Variants in PHACTR2 observed in about 807,000 individuals in gnomAD.
PHACTR2 encodes the protein chromosome 6 open reading frame 56.
In PHACTR2, 30 loss-of-function variants were observed where a neutral mutation model predicts 76.0. The observed-to-expected ratio is 0.39, with a 90% CI of 0.30 to 0.54. PHACTR2 has a LOEUF of 0.54. Ranked by LOEUF, PHACTR2 falls within the 20% of genes least tolerant of loss-of-function variation. PHACTR2 has a pLI of 0.61. For synonymous variants in PHACTR2, 292 were observed against 292.5 expected (o/e 1.00, Z 0.02); for missense variants, 696 against 781.1 (o/e 0.89, Z 1.30).
In PHACTR2 at chr6:143,730,080, T is replaced by A. The variant is rs148555505; in HGVS notation, c.214+17897T>A. Among the ~76,000 whole-genome samples the A allele has an allele frequency of 9.5e-3, 1,446 of 152,324 alleles. 30 individuals are homozygous for A. Among genetic ancestry groups the A allele is most frequent in the African/African-American group, 0.031 (1,303 of 41,578 alleles). ...CTTGATTATTATAGCTTTATAAGTC[T>A]GAAAATTAGGTAGTGTGATTTTCCA... On this transcript the variant is annotated intron_variant, in intron 2 of 12. Coordinates refer to ENST00000440869, the MANE Select transcript of PHACTR2 (RefSeq NM_001100164.2). The surrounding 1 kb of genome is among the most constrained non-coding windows in gnomAD (Gnocchi z 4.8).
Position 143,654,079 on chromosome 6 carries a change from T to C in PHACTR2, c.13+45757T>C, listed in dbSNP as rs1776806642. Among the ~76,000 whole-genome samples the C allele has an allele frequency of 6.6e-6, 1 of 152,202 alleles. No homozygotes were observed. Among genetic ancestry groups the C allele is most frequent in the Admixed American group, 6.5e-5 (1 of 15,278 alleles). On this transcript the variant is annotated intron_variant, in intron 1 of 11. Coordinates refer to the PHACTR2 transcript ENST00000305766. The surrounding 1 kb of genome is among the most constrained non-coding windows in gnomAD (Gnocchi z 4.6). ...TGAAAAGACATTTCTCCAAAGAAGA[T>C]ATTCAGATATCTAATAAACACATGA...
In PHACTR2 at chr6:143,588,074, A is replaced by T. The variant is rs902094994; in HGVS notation, c.217+50867A>T. Reference sequence around the variant, plus strand: ...AAAATACTAGTCTAATGCTCAGCACAAATTCTAAATATTACTGGCAGTGAA... The same window carrying T: ...AAAATACTAGTCTAATGCTCAGCACTAATTCTAAATATTACTGGCAGTGAA... On this transcript the variant is annotated intron_variant, in intron 1 of 11. Transcript: ENST00000367584. Among the ~76,000 whole-genome samples the T allele has an allele frequency of 1.2e-3, 178 of 148,916 alleles. 6 individuals carry two copies. The highest frequency in any genetic ancestry group is 3.4e-4 in the Non-Finnish European group (23 of 66,816).
At position 143,565,537 on chromosome 6, in the gene PHACTR2, G is replaced by A. The variant is rs904342217; in HGVS notation, c.217+28330G>A. 9.2e-5 allele frequency among the ~76,000 whole-genome samples: 14 copies of A among 151,898 alleles called. No homozygotes were observed. In the East Asian group the frequency reaches 2.7e-3, roughly 29 times the overall value. On this transcript the variant is annotated intron_variant, in intron 1 of 11. Transcript: ENST00000367584. ...GGAGAATGGCGTGAACCCGGGAGGC[G>A]GAGCTTGCAGTGAGCCAAGATCGCG...
chr6:143,809,089 G>A lies in PHACTR2; in HGVS notation c.1922+1956G>A, dbSNP rs965136338. ...GCACTCAACCCATACATTATCATTC[G>A]GGATAGTTTTGCTTCTGCATAGTTT... On this transcript the variant is annotated intron_variant, in intron 12 of 12. Coordinates refer to ENST00000440869, the MANE Select transcript of PHACTR2 (RefSeq NM_001100164.2). The surrounding 1 kb of genome is among the most constrained non-coding windows in gnomAD (Gnocchi z 4.2). Among the ~76,000 whole-genome samples, 2 of 152,152 alleles carry A rather than the reference G, an allele frequency of 1.3e-5. No individual in the cohort carries two copies. The highest frequency in any genetic ancestry group is 2.9e-5 in the Non-Finnish European group (2 of 68,030).
chr6:143,645,564 A>T (rs894848033), intron 1 of PHACTR2, among the ~76,000 whole-genome samples: 1 of 152,314 alleles, frequency 6.6e-6, no homozygotes, highest in East Asian at 1.9e-4. Flanking sequence ...GTGTGGCGCT[A>T]AAGTGTTTGG....
At chr6:143,737,083 T>C (rs2128466941) in intron 2 of PHACTR2, among the ~76,000 whole-genome samples, 1 of 151,820 alleles carries the variant, frequency 6.6e-6, no homozygotes, top group Non-Finnish European at 1.5e-5. Context: ...ATAGAGTCTA[T>C]TATATATAAT....
At chr6:143,559,690 CTTTTTTTTTTTTTTTTTTTTTTT>C (rs5880566) in intron 1 of PHACTR2, among the ~76,000 whole-genome samples, 8 of 31,904 alleles carry the variant, frequency 2.5e-4, no homozygotes, top group East Asian at 1.7e-3. Context: ...TTTTTCTTTT[CTTTTTTTTTTTTTTTTTTTTTTT>C]TTTTTTTTTT....
At chr6:143,746,599 C>T (rs1012697782) in intron 2 of PHACTR2, among the ~76,000 whole-genome samples, 1 of 152,032 alleles carries the variant, frequency 6.6e-6, no homozygotes, top group Non-Finnish European at 1.5e-5. Flanking sequence ...TACAGAGTCC[C>T]GCCACCCCTC....
chr6:143,682,002 A>G (rs146292625), intron 1 of PHACTR2, among the ~76,000 whole-genome samples: 38 of 152,362 alleles, frequency 2.5e-4, no homozygotes, highest in African/African-American at 9.1e-4. Flanking sequence ...ACCTAGAAGT[A>G]TGAGTTTTTC....
intron 1 of PHACTR2, among the ~76,000 whole-genome samples, chr6:143,642,265 T>C (rs901526512): frequency 4.6e-5 from 7 of 152,238 alleles, no homozygotes; most frequent in African/African-American, 1.7e-4. Context: ...TACCACATTG[T>C]TATTAGGGAG....
rs528490272 is a variant in PHACTR2, at chr6:143,794,419, G to A, written c.1845+5509G>A. Among the ~76,000 whole-genome samples the A allele has an allele frequency of 6.6e-6, 1 of 151,904 alleles. No individual in the cohort carries two copies. On this transcript the variant is annotated intron_variant, in intron 11 of 12. Coordinates refer to ENST00000440869, the MANE Select transcript of PHACTR2 (RefSeq NM_001100164.2). The surrounding 1 kb of genome is among the most constrained non-coding windows in gnomAD (Gnocchi z 4.1). ...TAATTTAGCTATTAGGTTTAAAAATGAGTTTTATTTTTAACTTTTGAGCTC... is the reference window on the plus strand; with the variant it reads ...TAATTTAGCTATTAGGTTTAAAAATAAGTTTTATTTTTAACTTTTGAGCTC...
chr6:143,740,081 G>A (rs1227210745), intron 2 of PHACTR2, among the ~76,000 whole-genome samples: 1 of 152,194 alleles, frequency 6.6e-6, no homozygotes, highest in Non-Finnish European at 1.5e-5. Context: ...AGGGCTGCTG[G>A]TTGCCGTTTT....
At chr6:143,593,046 CA>C (rs67052242) in intron 1 of PHACTR2, among the ~76,000 whole-genome samples, 27,480 of 79,472 alleles carry the variant, frequency 0.35, 2,746 homozygotes, top group Non-Finnish European at 0.4. Context: ...GACCCTGCCT[CA>C]AAAAAAAAAA....
rs1011097100 is a variant in PHACTR2 at position 143,653,115 on chromosome 6, G to T, written c.13+44793G>T. Among the ~76,000 whole-genome samples, 35 of 152,308 alleles carry T rather than the reference G, an allele frequency of 2.3e-4. No individual in the cohort carries two copies. The highest frequency in any genetic ancestry group is 8.4e-4 in the African/African-American group (35 of 41,578). On this transcript the variant is annotated intron_variant, in intron 1 of 11. Coordinates refer to the PHACTR2 transcript ENST00000305766. The surrounding 1 kb of genome is among the most constrained non-coding windows in gnomAD (Gnocchi z 4.9). ...CAGAGCATTTGTTCTGGATGCCTCT[G>T]TCCCCAGGTGTCTCAGAAGTAATCC...
intron 10 of PHACTR2, 23 bp from the exon 11 acceptor site, chr6:143,788,750 C>T (rs754450085): frequency 3.8e-6 from 6 of 1,599,172 alleles, no homozygotes; most frequent in Non-Finnish European, 5.1e-6. Context: ...CTGAACTCTG[C>T]CTTTTTCCTT....
intron 2 of PHACTR2, among the ~76,000 whole-genome samples, chr6:143,712,554 A>C (rs1313271265): frequency 6.6e-6 from 1 of 151,572 alleles, no homozygotes; most frequent in Admixed American, 6.6e-5. Flanking sequence ...TAGTTAGACT[A>C]TACTATTTAT....
rs753147723 is a variant in PHACTR2, at chr6:143,549,677, C to T, written c.217+12470C>T. Among the ~76,000 whole-genome samples, 6 of 152,010 alleles carry T rather than the reference C, an allele frequency of 3.9e-5. No homozygotes were observed. Among genetic ancestry groups the T allele is most frequent in the Non-Finnish European group, 7.4e-5 (5 of 67,942 alleles). ...GTAAGCAAATGTCCCTGTTCCACCT[C>T]CCCTTCCTGAGCTGCCTGGCTGCCA... is the stretch of plus-strand genomic sequence containing the variant. On this transcript the variant is annotated intron_variant, in intron 1 of 11. Coordinates refer to the PHACTR2 transcript ENST00000367584. This position sits in a 1 kb window ranked among gnomAD's most constrained non-coding sequence, Gnocchi z 4.2.
Position 143,788,448 on chromosome 6 carries a change from G to A in PHACTR2, c.1708-325G>A, listed in dbSNP as rs529356663. Among the ~76,000 whole-genome samples, 33 of 152,234 alleles carry A rather than the reference G, an allele frequency of 2.2e-4. No homozygotes were observed. The South Asian group carries it at 6.8e-3, about 32-fold the overall frequency. On this transcript the variant is annotated intron_variant, in intron 10 of 12. Coordinates refer to ENST00000440869, the MANE Select transcript of PHACTR2 (RefSeq NM_001100164.2). ...CATTCTGTATCTGGGTTACTATTGT[G>A]TCTGCGCATTGCATGTTCCTTGCGT...
intron 1 of PHACTR2, among the ~76,000 whole-genome samples, chr6:143,660,628 G>A (rs368056327): frequency 5.3e-5 from 8 of 152,108 alleles, no homozygotes; most frequent in East Asian, 1.9e-4. Context: ...GCACTTACCC[G>A]TGCACTGACT....
Sources: gnomAD v4.1 joint callset for allele counts (sites outside exome capture counted in the v4.1 genomes callset) on GRCh38, gnomAD v4.1.1 for gene constraint, Gnocchi (gnomAD v3.1) non-coding constraint, MANE v1.5 for transcripts, NCBI Gene and HGNC (gene_info 2026-07-23, HGNC 2026-07-21) for gene names.